Variants in COL6A3 observed in about 807,000 individuals in gnomAD.
COL6A3 encodes the protein collagen type VI alpha 3 chain.
Under a neutral mutation model 274.1 loss-of-function variants are expected in COL6A3, and 137 were observed. The observed-to-expected ratio is 0.50, with a 90% CI of 0.44 to 0.58. COL6A3 has a LOEUF of 0.58. Ranked by LOEUF, COL6A3 falls within the 20% of genes least tolerant of loss-of-function variation. The probability of loss-of-function intolerance (pLI) is 0.00; values close to 1 mark genes in which losing one functional copy is unlikely to be tolerated. For missense variants in COL6A3, 3,950 were observed against 4,124.9 expected (o/e 0.96, Z 1.16); for synonymous variants, 1,650 against 1,650.6 (o/e 1.00, Z 0.01).
rs768913247 is a variant in COL6A3 at position 237,333,472 on chromosome 2, T to A, written c.9306A>T (p.Glu3102Asp). ...SSTINLMVST[E>D]PLALTETDIC... is the part of the protein sequence containing the mutation. Reference sequence around the variant, plus strand: ...CACCTGTTTCAGTGAGAGCCAATGGTTCTGTGCTCACCATTAGATTGATGG... The same window carrying A: ...CACCTGTTTCAGTGAGAGCCAATGGATCTGTGCTCACCATTAGATTGATGG... Residue 3102 changes from glutamate to aspartate, a missense_variant, in exon 42 of 44, where the codon GAA becomes GAT. Physicochemically the swap from Glu to Asp is conservative, Grantham distance 45. Coordinates refer to ENST00000295550, the MANE Select transcript of COL6A3 (RefSeq NM_004369.4). The A allele has an allele frequency of 6.2e-7, 1 of 1,614,180 alleles. No individual in the cohort carries two copies. Among genetic ancestry groups the A allele is most frequent in the Non-Finnish European group, 8.5e-7 (1 of 1,180,020 alleles).
rs2078404263 is a variant in COL6A3, at chr2:237,395,173, T to A, written c.123A>T (p.Ile41=). 1 of 1,613,472 alleles carries A rather than the reference T, an allele frequency of 6.2e-7. No homozygotes were observed. The highest frequency in any genetic ancestry group is 1.3e-5 in the African/African-American group (1 of 74,924). The change falls in exon 3 of 44, where the codon ATA becomes ATT. Residue 41 remains isoleucine (I), a synonymous_variant. Transcript: ENST00000295550. The part of the protein sequence containing the change: ...DVKNGAAADI[I]FLVDSSWTIG... ...TGGTCCAAGAGGAATCCACTAGAAA[T>A]ATTATATCAGCAGCCGCACCATTTT... is the stretch of plus-strand genomic sequence containing the variant.
chr2:237,325,076 C>T (rs560189762), intron 43 of COL6A3, among the ~76,000 whole-genome samples: 2 of 152,230 alleles, frequency 1.3e-5, no homozygotes, highest in African/African-American at 2.4e-5. Context: ...GGCCTTTATA[C>T]GAACTGAACT....
In COL6A3 at chr2:237,371,930, C is replaced by A; in HGVS notation, c.4087G>T (p.Gly1363Cys). 6.2e-7 allele frequency: 1 copy of A among 1,614,076 alleles called. No individual in the cohort carries two copies. Among genetic ancestry groups the A allele is most frequent in the Non-Finnish European group, 8.5e-7 (1 of 1,180,026 alleles). ...CTGGCGATCGTGAAAGGGGCCACGC[C>A]AAACTGCTTGAGCTCCACCGCCGGG... ...DDPAVELKQF[G>C]VAPFTIARNA... is the part of the protein sequence containing the mutation. The change falls in exon 9 of 44, where the codon GGC (glycine) becomes TGC (cysteine). Residue 1363 changes from glycine to cysteine, a missense_variant. By Grantham distance (159) the Gly-to-Cys change is radical (BLOSUM62 -3). Around this residue, in one of 5 missense-constraint regions of COL6A3, gnomAD observed 1,934 missense variants for 1,984.3 expected, o/e 0.97. Coordinates refer to ENST00000295550, the MANE Select transcript of COL6A3 (RefSeq NM_004369.4). The surrounding 1 kb of genome is among the most constrained non-coding windows in gnomAD (Gnocchi z 4.3).
chr2:237,386,055 A>G (rs1032557329), intron 4 of COL6A3, among the ~76,000 whole-genome samples: 2 of 152,238 alleles, frequency 1.3e-5, no homozygotes, highest in Non-Finnish European at 2.9e-5. Context: ...CACAGTTCCA[A>G]TGCACAGATT....
At chr2:237,404,610 C>T (rs1261206551) in intron 1 of COL6A3, among the ~76,000 whole-genome samples, 1 of 152,162 alleles carries the variant, frequency 6.6e-6, no homozygotes, top group Non-Finnish European at 1.5e-5. Flanking sequence ...GAGCTGCAGA[C>T]ACCTGTGCAG....
chr2:237,373,540 C>T (rs2077749209), intron 8 of COL6A3, among the ~76,000 whole-genome samples: 2 of 152,142 alleles, frequency 1.3e-5, no homozygotes, highest in African/African-American at 2.4e-5. Context: ...ATCATCCTCA[C>T]CTCCCTCATC....
chr2:237,387,623 T>G lies in COL6A3; in HGVS notation c.1271A>C (p.Gln424Pro), dbSNP rs1574739237. Residue 424 changes from glutamine to proline, a missense_variant, in exon 4 of 44, where the codon CAA becomes CCA. By Grantham distance (76) the Gln-to-Pro change is moderately conservative. This residue lies in a region of COL6A3 where 1,934 missense variants were observed against 1,984.3 expected (regional missense o/e 0.97). Transcript: ENST00000295550. ...TGGCGGTTTCAAGACAATGTGCCTT[T>G]GGGCCACGCCAACAATGTACGGCAG... Reference protein sequence around the residue: ...KLLPYIVGVAQRHIVLKPPTI... With the variant: ...KLLPYIVGVAPRHIVLKPPTI... 6.2e-7 allele frequency: 1 copy of G among 1,613,892 alleles called. No homozygotes were observed. The highest frequency in any genetic ancestry group is 8.5e-7 in the Non-Finnish European group (1 of 1,179,918).
rs886044392 is a variant in COL6A3 at position 237,347,863 on chromosome 2, G to A, written c.6973C>T (p.Pro2325Ser). ...GTTCCATTTAGCCCAGGTTCACCTG[G>A]GTTACCCTGGGAAGAAAGCCGAGAA... ...FPGYPGPKGN[P>S]GEPGLNGTTG... Residue 2325 changes from proline to serine, a missense_variant, in exon 31 of 44, where the codon CCA becomes TCA. This residue lies in a region of COL6A3 where 1,284 missense variants were observed against 1,349.7 expected (regional missense o/e 0.95). Coordinates refer to ENST00000295550, the MANE Select transcript of COL6A3 (RefSeq NM_004369.4). 1.1e-5 allele frequency: 18 copies of A among 1,609,556 alleles called. No homozygotes were observed. The highest frequency in any genetic ancestry group is 1.4e-5 in the Non-Finnish European group (17 of 1,177,902).
At position 237,394,837 on chromosome 2, in the gene COL6A3, G is replaced by A. The variant is rs562389558; in HGVS notation, c.459C>T (p.His153=). ...PQVIVVLTDG[H]SKDGLALPSA... is the part of the protein sequence containing the mutation. ...AGGGCAGAGCAAGGCCATCCTTCGAGTGTCCATCAGTTAACACTACGATAA... is the reference window on the plus strand; with the variant it reads ...AGGGCAGAGCAAGGCCATCCTTCGAATGTCCATCAGTTAACACTACGATAA... Residue 153 remains histidine (H), a synonymous_variant, in exon 3 of 44, where the codon CAC becomes CAT. Coordinates refer to ENST00000295550, the MANE Select transcript of COL6A3 (RefSeq NM_004369.4). The A allele has an allele frequency of 6.2e-7, 1 of 1,613,990 alleles. No individual in the cohort carries two copies. The highest frequency in any genetic ancestry group is 1.1e-5 in the South Asian group (1 of 91,076).
chr2:237,333,347 G>C (rs1700362735), intron 42 of COL6A3, 103 bp downstream of exon 42: 3 of 1,040,902 alleles, frequency 2.9e-6, no homozygotes, highest in Non-Finnish European at 1.5e-6. Flanking sequence ...TTCCCCCATA[G>C]AAGTCATGCC....
chr2:237,398,777 T>C (rs2078516291), intron 1 of COL6A3, among the ~76,000 whole-genome samples: 1 of 152,134 alleles, frequency 6.6e-6, no homozygotes, highest in Non-Finnish European at 1.5e-5. Flanking sequence ...GTTCCCCAGT[T>C]AGGAGCTCTC....
Position 237,361,061 on chromosome 2 carries a change from C to A in COL6A3, c.6210+60G>T. 1 of 1,358,814 alleles carries A rather than the reference C, an allele frequency of 7.4e-7. No homozygotes were observed. Among genetic ancestry groups the A allele is most frequent in the Non-Finnish European group, 1.1e-6 (1 of 947,376 alleles). The allele number at this position is 1,358,814 out of a possible 1,614,324, so 84.2% of individuals were successfully genotyped here. On this transcript the variant is annotated intron_variant, in intron 16 of 43. Coordinates refer to ENST00000295550, the MANE Select transcript of COL6A3 (RefSeq NM_004369.4). The surrounding 1 kb of genome is among the most constrained non-coding windows in gnomAD (Gnocchi z 5.1). ...AAATGATGAAATCCACAATGCAATC[C>A]CAATGGGTAAGGATCAAGGAGGGGG... is the stretch of plus-strand genomic sequence containing the variant.
rs747609310 is a variant in COL6A3, at chr2:237,395,195, T to C, written c.101A>G (p.Asn34Ser). ...AAATATTATATCAGCAGCCGCACCA[T>C]TTTTGACATCTTTAAAAAAAGACAT... ...HAQQQQADVK[N>S]GAAADIIFLV... The change falls in exon 3 of 44, where the codon AAT becomes AGT. Residue 34 changes from asparagine to serine, a missense_variant. This residue lies in a region of COL6A3 where 1,934 missense variants were observed against 1,984.3 expected (regional missense o/e 0.97). Coordinates refer to ENST00000295550, the MANE Select transcript of COL6A3 (RefSeq NM_004369.4). 9.9e-6 allele frequency: 16 copies of C among 1,613,234 alleles called. No homozygotes were observed. In the South Asian group the frequency reaches 1.5e-4, roughly 16 times the overall value.
chr2:237,412,776 G>A (rs988837361), intron 1 of COL6A3, among the ~76,000 whole-genome samples: 1 of 152,176 alleles, frequency 6.6e-6, no homozygotes, highest in Non-Finnish European at 1.5e-5. Flanking sequence ...TGAGCTCTGA[G>A]CACCCTGCAG....
chr2:237,342,411 T>C (rs879853216), intron 36 of COL6A3: 3 of 533,266 alleles, frequency 5.6e-6, no homozygotes, highest in African/African-American at 1.9e-5. Flanking sequence ...TTTTCAGCTG[T>C]AAAATGGGGG....
At chr2:237,337,902 C>T (rs958329858) in intron 39 of COL6A3, among the ~76,000 whole-genome samples, 5 of 151,318 alleles carry the variant, frequency 3.3e-5, no homozygotes. Flanking sequence ...CTTCATAGAA[C>T]ATGCACATGA....
chr2:237,381,930 G>C (rs1318350168), intron 4 of COL6A3, among the ~76,000 whole-genome samples: 1 of 152,174 alleles, frequency 6.6e-6, no homozygotes, highest in Non-Finnish European at 1.5e-5. Flanking sequence ...AATGCTCATT[G>C]TCAAGTGCAA....
chr2:237,406,584 C>G (rs190527017), intron 1 of COL6A3, among the ~76,000 whole-genome samples: 5 of 151,644 alleles, frequency 3.3e-5, no homozygotes, highest in African/African-American at 1.2e-4. Flanking sequence ...GCCTTTGCCA[C>G]GCCCATTCCT....
At chr2:237,379,258 A>C in intron 5 of COL6A3, 23 bp from the exon 6 acceptor site, 1 of 1,614,110 alleles carries the variant, frequency 6.2e-7, no homozygotes, top group Non-Finnish European at 8.5e-7. Flanking sequence ...ACAGAAAAAA[A>C]AGTGAGACAT....
Sources: gnomAD v4.1 joint callset for allele counts (sites outside exome capture counted in the v4.1 genomes callset) on GRCh38, gnomAD v4.1.1 for gene constraint, gnomAD v4.1.1 regional missense constraint, Gnocchi (gnomAD v3.1) non-coding constraint, MANE v1.5 for transcripts, NCBI Gene and HGNC (gene_info 2026-07-23, HGNC 2026-07-21) for gene names.